KDM6A: variants seen among roughly 807,000 people sequenced by gnomAD.
The protein encoded by KDM6A is lysine demethylase 6A, also known as lysine-specific demethylase 6A.
Under a neutral mutation model 117.6 loss-of-function variants are expected in KDM6A, and 11 were observed. That is an observed-to-expected ratio of 0.09 (90% CI 0.06 to 0.15). KDM6A has a LOEUF of 0.15. Ranked by LOEUF, KDM6A falls within the 10% of genes least tolerant of loss-of-function variation. KDM6A has a pLI of 1.00. For synonymous variants in KDM6A, 384 were observed against 396.1 expected (o/e 0.97, Z 0.36); for missense variants, 799 against 1,077.3 (o/e 0.74, Z 3.62).
intron 4 of KDM6A, among the ~76,000 whole-genome samples, chrX:44,989,255 G>A (rs949175718): frequency 2.0e-5 from 2 of 100,890 alleles, no homozygotes; most frequent in Non-Finnish European, 4.0e-5. Flanking sequence ...TTGGAAAAGC[G>A]CAGTATTAGG....
At chrX:45,034,695 A>T (rs1223600027) in intron 6 of KDM6A, among the ~76,000 whole-genome samples, 2 of 112,258 alleles carry the variant, frequency 1.8e-5, no homozygotes, top group Non-Finnish European at 3.8e-5. Context: ...ATAACTTGAT[A>T]AAATTAATTC....
intron 6 of KDM6A, among the ~76,000 whole-genome samples, chrX:45,027,336 AACAC>A (rs200245833): frequency 0.026 from 2,537 of 98,089 alleles, 47 homozygotes; most frequent in Admixed American, 0.086. Flanking sequence ...CATAGTGTGA[AACAC>A]ACACACACAC....
chrX:44,955,249 G>C (rs1319826714), intron 2 of KDM6A, among the ~76,000 whole-genome samples: 3 of 110,929 alleles, frequency 2.7e-5, no homozygotes, highest in Non-Finnish European at 5.7e-5. Context: ...CTTTAGTTAA[G>C]GATCAAGATA....
At chrX:44,893,175 C>CA (rs1438271548) in intron 2 of KDM6A, among the ~76,000 whole-genome samples, 1 of 109,894 alleles carries the variant, frequency 9.1e-6, no homozygotes, top group East Asian at 2.8e-4. Flanking sequence ...GAGACTGTCT[C>CA]AAAAATCAAA....
rs781657049 is a variant in KDM6A at position 45,110,057 on chromosome X, G to A, written c.4162-22G>A. The A allele has an allele frequency of 1.2e-5, 14 of 1,190,883 alleles. No individual in the cohort carries two copies. In the East Asian group the frequency reaches 2.1e-4, roughly 18 times the overall value. ...AAATACCACTATCTCTATTGAATAC[G>A]TTTTTCTCTTGTATAAAACAGGTGG... is the stretch of plus-strand genomic sequence containing the variant. On this transcript the variant is annotated intron_variant, in intron 28 of 29. Coordinates refer to ENST00000611820, the MANE Select transcript of KDM6A (RefSeq NM_001291415.2).
intron 27 of KDM6A, among the ~76,000 whole-genome samples, chrX:45,093,635 T>G (rs2045984107): frequency 9.1e-6 from 1 of 110,276 alleles, no homozygotes; most frequent in South Asian, 3.9e-4. Flanking sequence ...CAAGGAAAAC[T>G]TATAGTCTTT....
At chrX:44,898,435 T>A (rs1185103846) in intron 2 of KDM6A, among the ~76,000 whole-genome samples, 1 of 111,852 alleles carries the variant, frequency 8.9e-6, no homozygotes, top group East Asian at 2.8e-4. Flanking sequence ...TGACTCTAAC[T>A]CACATCTCCT....
chrX:44,879,634 G>A (rs1015820072), intron 2 of KDM6A, among the ~76,000 whole-genome samples: 9 of 112,060 alleles, frequency 8.0e-5, no homozygotes, highest in African/African-American at 2.9e-4. Context: ...TGCCCGTGTT[G>A]AACTTAAATT....
chrX:45,068,685 C>T (rs759306035), intron 17 of KDM6A, among the ~76,000 whole-genome samples: 1 of 109,432 alleles, frequency 9.1e-6, no homozygotes, highest in South Asian at 4.0e-4. Flanking sequence ...CCCACCTTGG[C>T]CTCCTGTGTA....
At chrX:44,959,348 T>C (rs2038544700) in intron 2 of KDM6A, among the ~76,000 whole-genome samples, 1 of 109,359 alleles carries the variant, frequency 9.1e-6, no homozygotes, top group Non-Finnish European at 1.9e-5. Context: ...TTCCTTAGTT[T>C]TATGACAAGT....
At chrX:45,065,423 G>A (rs1368828039) in intron 17 of KDM6A, among the ~76,000 whole-genome samples, 1 of 112,039 alleles carries the variant, frequency 8.9e-6, no homozygotes, top group African/African-American at 3.2e-5. Flanking sequence ...ATTTTGAACA[G>A]AGGAGTGATG....
chrX:45,089,925 T>G lies in KDM6A; in HGVS notation c.3887T>G (p.Leu1296Arg). Residue 1296 changes from leucine to arginine, a missense_variant, in exon 26 of 30, where the codon CTT becomes CGT. Coordinates refer to ENST00000611820, the MANE Select transcript of KDM6A (RefSeq NM_001291415.2). The part of the protein sequence containing the change: ...CNNIAWNVGP[L>R]TACQYKLAVE... The stretch of plus-strand genomic sequence containing the variant: ...AACATTGCTTGGAATGTTGGTCCAC[T>G]TACAGGTATTATAAAGAATATGCTT... The G allele has an allele frequency of 8.3e-7, 1 of 1,203,779 alleles. No homozygotes were observed. The highest frequency in any genetic ancestry group is 3.0e-5 in the East Asian group (1 of 33,800).
chrX:44,877,174 C>T (rs1442551308), intron 2 of KDM6A, among the ~76,000 whole-genome samples: 1 of 111,374 alleles, frequency 9.0e-6, no homozygotes, highest in Non-Finnish European at 1.9e-5. Flanking sequence ...CATCGTCTCC[C>T]GAATGTTTTT....
intron 2 of KDM6A, among the ~76,000 whole-genome samples, chrX:44,906,697 C>A (rs1031900437): frequency 9.3e-6 from 1 of 107,775 alleles, no homozygotes; most frequent in African/African-American, 3.4e-5. Context: ...AGAGAGAGAG[C>A]GAGAGAGAGA....
chrX:44,976,416 T>C (rs1326472182), intron 4 of KDM6A, among the ~76,000 whole-genome samples: 9 of 111,032 alleles, frequency 8.1e-5, no homozygotes, highest in Non-Finnish European at 1.7e-4. Flanking sequence ...GGCATTGGTT[T>C]CAGGACCCCT....
chrX:45,065,804 A>G (rs1467239739), intron 17 of KDM6A, among the ~76,000 whole-genome samples: 9 of 112,185 alleles, frequency 8.0e-5, no homozygotes. Context: ...CTAGCAGAGA[A>G]GAATAGAAGA....
chrX:44,995,890 T>G (rs941087439), intron 4 of KDM6A, among the ~76,000 whole-genome samples: 1 of 111,796 alleles, frequency 8.9e-6, no homozygotes, highest in African/African-American at 3.3e-5. Context: ...ATTGCCCCGT[T>G]GTCACAAAAA....
chrX:45,062,685 T>C lies in KDM6A; in HGVS notation c.1620T>C (p.Asn540=). The change falls in exon 16 of 30, where the codon AAT becomes AAC. Residue 540 remains asparagine, a synonymous_variant. Coordinates refer to ENST00000611820, the MANE Select transcript of KDM6A (RefSeq NM_001291415.2). ...TCCGCGCAAATAGAAATAATTTAAA[T>C]CCAGCACAGAAACTGATGCTGGAAC... is the stretch of plus-strand genomic sequence containing the variant. ...EQLRANRNNL[N]PAQKLMLEQL... 1 of 1,209,576 alleles carries C rather than the reference T, an allele frequency of 8.3e-7. No homozygotes were observed.
intron 4 of KDM6A, among the ~76,000 whole-genome samples, chrX:44,992,374 G>A (rs762703811): frequency 1.6e-4 from 17 of 106,851 alleles, no homozygotes; most frequent in African/African-American, 3.1e-4. Context: ...ACAGGCATGC[G>A]CCACCACTTC....
Sources: allele counts gnomAD v4.1 joint callset (sites outside exome capture counted in the v4.1 genomes callset), GRCh38; gene constraint gnomAD v4.1.1; transcripts MANE v1.5; gene names NCBI Gene and HGNC (gene_info 2026-07-23, HGNC 2026-07-21).